Variants in F5 observed in about 807,000 individuals in gnomAD.
The protein encoded by F5 is coagulation factor V.
F5 carries 138 observed loss-of-function variants against 216.4 expected under a neutral mutation model. That is an observed-to-expected ratio of 0.64 (90% CI 0.56 to 0.73). The LOEUF (loss-of-function observed/expected upper bound fraction) is 0.73, where lower values mean the gene tolerates loss of function less well. Among genes scored for constraint, F5 ranks in the 30% least tolerant of loss-of-function variants. F5 has a pLI of 0.00. For missense variants in F5, 2,403 were observed against 2,674.0 expected (o/e 0.90, Z 2.24); for synonymous variants, 916 against 930.7 (o/e 0.98, Z 0.29).
In F5 at chr1:169,586,353, C is replaced by T; in HGVS notation, c.34G>A (p.Val12Met). 6.2e-7 allele frequency: 1 copy of T among 1,614,006 alleles called. No homozygotes were observed. Among genetic ancestry groups the T allele is most frequent in the Non-Finnish European group, 8.5e-7 (1 of 1,180,014 alleles). Residue 12 changes from valine to methionine, a missense_variant, in exon 1 of 25, where the codon GTG becomes ATG. Coordinates refer to ENST00000367797, the MANE Select transcript of F5 (RefSeq NM_000130.5). Reference sequence around the variant, plus strand: ...CCTACCCAGCTGGTGCCCAAGACCACCAGGACCCAGAGGCGTGGGCAGCCT... The same window carrying T: ...CCTACCCAGCTGGTGCCCAAGACCATCAGGACCCAGAGGCGTGGGCAGCCT... ...FPGCPRLWVL[V>M]VLGTSWVGWG...
intron 14 of F5, among the ~76,000 whole-genome samples, chr1:169,533,511 A>G (rs1032264626): frequency 1.3e-5 from 2 of 152,224 alleles, no homozygotes; most frequent in African/African-American, 4.8e-5. Context: ...CAAAGGTCTA[A>G]TATCCAGAAA....
intron 2 of F5, 47 bp from the exon 3 acceptor site, chr1:169,572,390 A>G (rs200693854): frequency 2.9e-4 from 474 of 1,609,106 alleles, no homozygotes; most frequent in Non-Finnish European, 3.8e-4. Context: ...GGGTCATCAA[A>G]GGCAGAGTTG....
At chr1:169,567,105 G>A (rs890556264) in intron 3 of F5, among the ~76,000 whole-genome samples, 1 of 151,714 alleles carries the variant, frequency 6.6e-6, no homozygotes, top group Non-Finnish European at 1.5e-5. Flanking sequence ...CTGGTGCAGG[G>A]TCTCTTCCAG....
rs976693579 is a variant in F5, at chr1:169,528,052, T to C, written c.5462A>G (p.Tyr1821Cys). 11 of 1,613,788 alleles carry C rather than the reference T, an allele frequency of 6.8e-6. No homozygotes were observed. The highest frequency in any genetic ancestry group is 9.3e-6 in the Non-Finnish European group (11 of 1,179,852). The change falls in exon 17 of 25, where the codon TAT (tyrosine) becomes TGT (cysteine). Residue 1821 changes from tyrosine (Y) to cysteine (C), a missense_variant. This residue lies in a region of F5 where 659 missense variants were observed against 787.9 expected (regional missense o/e 0.84). Transcript: ENST00000367797. ...GTGTAACCTCACCCACTCTTGCTCA[T>C]ACATTTTCAGGCCAGGCAAGCTGTA... is the stretch of plus-strand genomic sequence containing the variant. Reference protein sequence around the residue: ...MIYSLPGLKMYEQEWVRLHLL... With the variant: ...MIYSLPGLKMCEQEWVRLHLL...
At chr1:169,535,621 C>T (rs903291929) in intron 14 of F5, among the ~76,000 whole-genome samples, 1 of 152,136 alleles carries the variant, frequency 6.6e-6, no homozygotes, top group African/African-American at 2.4e-5. Flanking sequence ...TAAGTGAGAA[C>T]ATACAGTGTC....
intron 23 of F5, among the ~76,000 whole-genome samples, chr1:169,516,425 T>G (rs1157847997): frequency 6.6e-6 from 1 of 152,196 alleles, no homozygotes; most frequent in Non-Finnish European, 1.5e-5. Context: ...GGAAATAATA[T>G]TGATATGTTT....
chr1:169,559,057 G>T, intron 5 of F5, 96 bp downstream of exon 5: 1 of 1,333,188 alleles, frequency 7.5e-7, no homozygotes, highest in Non-Finnish European at 1.1e-6. Context: ...GCAAAACAGT[G>T]AGTATGGTCA....
intron 10 of F5, among the ~76,000 whole-genome samples, chr1:169,548,239 A>G (rs970577434): frequency 3.3e-5 from 5 of 152,094 alleles, no homozygotes; most frequent in Admixed American, 1.3e-4. Context: ...TAACTAATGG[A>G]TACTAGGCTT....
chr1:169,521,469 A>T (rs996216693), intron 21 of F5, among the ~76,000 whole-genome samples: 2 of 152,176 alleles, frequency 1.3e-5, no homozygotes, highest in African/African-American at 4.8e-5. Context: ...GGCAGTAAAC[A>T]GGCTGTGCCC....
At chr1:169,551,807 A>T (rs1057181203) in intron 8 of F5, among the ~76,000 whole-genome samples, 4 of 152,178 alleles carry the variant, frequency 2.6e-5, no homozygotes, top group African/African-American at 9.7e-5. Flanking sequence ...TCTGCTGTCC[A>T]ATTCTTATCT....
intron 2 of F5, among the ~76,000 whole-genome samples, chr1:169,578,788 C>T (rs1037915414): frequency 2.6e-5 from 4 of 152,106 alleles, no homozygotes; most frequent in South Asian, 2.1e-4. Context: ...TTATTTGCAA[C>T]GTTATCCTCT....
At chr1:169,557,787 G>A (rs1660366983) in intron 5 of F5, among the ~76,000 whole-genome samples, 1 of 151,830 alleles carries the variant, frequency 6.6e-6, no homozygotes, top group Non-Finnish European at 1.5e-5. Context: ...AGGATTCCTT[G>A]CATCACTAGG....
chr1:169,558,363 C>T (rs1241636936), intron 5 of F5, among the ~76,000 whole-genome samples: 2 of 152,132 alleles, frequency 1.3e-5, no homozygotes, highest in African/African-American at 2.4e-5. Context: ...AAATAGAATA[C>T]AATTTAAAAA....
At position 169,518,501 on chromosome 1, in the gene F5, A is replaced by G; in HGVS notation, c.6256T>C (p.Ser2086Pro). ...TCTCCCCACCAAGATTTCTTAAACG[A>G]AGAAGCTGTGATTTGCTTGTTTTCT... ...KIENKQITAS[S>P]FKKSWWGDYW... Residue 2086 changes from serine to proline, a missense_variant, in exon 23 of 25, where the codon TCG (serine) becomes CCG (proline). Transcript: ENST00000367797. The G allele has an allele frequency of 6.2e-7, 1 of 1,613,912 alleles. No homozygotes were observed. The highest frequency in any genetic ancestry group is 1.1e-5 in the South Asian group (1 of 91,088).
intron 10 of F5, among the ~76,000 whole-genome samples, chr1:169,548,111 G>A (rs2101824001): frequency 6.6e-6 from 1 of 152,266 alleles, no homozygotes; most frequent in South Asian, 2.1e-4. Flanking sequence ...CATACTGCAT[G>A]TTTTCACTTA....
At chr1:169,517,513 G>A (rs1323122921) in intron 23 of F5, among the ~76,000 whole-genome samples, 1 of 152,126 alleles carries the variant, frequency 6.6e-6, no homozygotes, top group East Asian at 1.9e-4. Flanking sequence ...AAGGGAGGGA[G>A]ATATGAGGAT....
Position 169,529,597 on chromosome 1 carries a change from G to C in F5, c.5419+11C>G, listed in dbSNP as rs6008. ...TAATTAGGAGATTAGATCAAAGTCTGAGGAAAATACCGTGAAACTCATGGG... is the reference window on the plus strand; with the variant it reads ...TAATTAGGAGATTAGATCAAAGTCTCAGGAAAATACCGTGAAACTCATGGG... On this transcript the variant is annotated intron_variant, in intron 16 of 24. Transcript: ENST00000367797. 46 of 1,610,532 alleles carry C rather than the reference G, an allele frequency of 2.9e-5. No homozygotes were observed. The East Asian group carries it at 9.6e-4, about 34-fold the overall frequency.
intron 2 of F5, among the ~76,000 whole-genome samples, chr1:169,576,474 C>T (rs970691196): frequency 3.9e-5 from 6 of 152,136 alleles, no homozygotes; most frequent in Non-Finnish European, 2.9e-5. Context: ...AGGTAGGAAT[C>T]GGGGGACAAA....
chr1:169,564,235 G>A (rs757146048), intron 3 of F5, among the ~76,000 whole-genome samples: 13 of 152,046 alleles, frequency 8.6e-5, no homozygotes, highest in Non-Finnish European at 1.8e-4. Context: ...CTTACCCTCA[G>A]TACTTTCCTC....
Sources: gnomAD v4.1 joint callset for allele counts (sites outside exome capture counted in the v4.1 genomes callset) on GRCh38, gnomAD v4.1.1 for gene constraint, gnomAD v4.1.1 regional missense constraint, MANE v1.5 for transcripts, NCBI Gene and HGNC (gene_info 2026-07-23, HGNC 2026-07-21) for gene names.